The following IGSF9 variants were observed in gnomAD, a reference collection of about 807,000 sequenced individuals.
IGSF9 encodes immunoglobulin superfamily member 9, also known as protein turtle homolog A.
In IGSF9, 87 loss-of-function variants were observed where a neutral mutation model predicts 121.7. That is an observed-to-expected ratio of 0.71 (90% confidence interval 0.60 to 0.85). The LOEUF (loss-of-function observed/expected upper bound fraction) is 0.85. Among genes scored for constraint, IGSF9 ranks in the 40% least tolerant of loss-of-function variants. The probability of loss-of-function intolerance (pLI) is 0.00; values close to 1 mark genes in which losing one functional copy is unlikely to be tolerated. For synonymous variants in IGSF9, 640 were observed against 648.4 expected (o/e 0.99, Z 0.20); for missense variants, 1,462 against 1,565.3 (o/e 0.93, Z 1.11).
At position 159,928,284 on chromosome 1, in the gene IGSF9, C is replaced by T. The variant is rs777726375; in HGVS notation, c.3104G>A (p.Arg1035Gln). ...SSGRGSASFL[R>Q]PPSTAPSAGG... ...TGCAGAGGGGGCTGTGGAGGGGGGC[C>T]GCAGGAACGAAGCGCTGCCTCGCCC... Residue 1035 changes from arginine to glutamine, a missense_variant, in exon 19 of 21, where the codon CGG becomes CAG. Physicochemically the swap from Arg to Gln is conservative, Grantham distance 43. Transcript: ENST00000368094. The T allele has an allele frequency of 6.0e-5, 96 of 1,612,524 alleles. No homozygotes were observed. The highest frequency in any genetic ancestry group is 7.5e-5 in the Non-Finnish European group (89 of 1,179,692).
At chr1:159,930,587 G>C in intron 14 of IGSF9, 105 bp downstream of exon 14, 3 of 1,547,826 alleles carry the variant, frequency 1.9e-6, no homozygotes, top group Non-Finnish European at 2.6e-6. Flanking sequence ...CCCCAAGCTG[G>C]CCAGCACCTC....
In IGSF9 at chr1:159,943,004, T is replaced by C; in HGVS notation, c.206A>G (p.Gln69Arg). ...RFGFLLPIFI[Q>R]FGLYSPRIDP... ...AATTCGGGGAGAGTAGAGGCCGAAC[T>C]GGATGAAGATGGGAAGCAGGAATCC... The change falls in exon 3 of 21, where the codon CAG (glutamine) becomes CGG (arginine). Residue 69 changes from glutamine (Q) to arginine (R), a missense_variant. Transcript: ENST00000368094. 1 of 1,613,328 alleles carries C rather than the reference T, an allele frequency of 6.2e-7. No individual in the cohort carries two copies. The highest frequency in any genetic ancestry group is 8.5e-7 in the Non-Finnish European group (1 of 1,179,672).
In IGSF9 at chr1:159,931,270, G is replaced by T; in HGVS notation, c.1514-9C>A. 6.2e-7 allele frequency: 1 copy of T among 1,614,092 alleles called. No individual in the cohort carries two copies. The highest frequency in any genetic ancestry group is 1.1e-5 in the South Asian group (1 of 91,084). On this transcript the variant is annotated splice_polypyrimidine_tract_variant and intron_variant, in intron 12 of 20. Transcript: ENST00000368094. The surrounding 1 kb of genome is among the most constrained non-coding windows in gnomAD (Gnocchi z 4.8). ...AACATGAGGGCTAGTGCCTAGGCAG[G>T]GGGGAATGGAGGGATGGTGGTCAGG...
chr1:159,940,519 G>A (rs1651341236), intron 3 of IGSF9, among the ~76,000 whole-genome samples: 1 of 152,192 alleles, frequency 6.6e-6, no homozygotes, highest in Admixed American at 6.5e-5. Flanking sequence ...GAAAACAGGA[G>A]ACACAGTCTC....
chr1:159,928,393 G>A lies in IGSF9; in HGVS notation c.2995C>T (p.Leu999=), dbSNP rs1650828888. Residue 999 remains leucine, a synonymous_variant, in exon 19 of 21, where the codon CTG becomes TTG. Transcript: ENST00000368094. ...CGCTCCCTCAGTGTCCAGTCAGCCA[G>A]GGCTGTGTAAGGGGGCTCTGCAGTG... The part of the protein sequence containing the change: ...GATAEPPYTA[L]ADWTLRERLL... 3 of 1,609,180 alleles carry A rather than the reference G, an allele frequency of 1.9e-6. No homozygotes were observed. Among genetic ancestry groups the A allele is most frequent in the Non-Finnish European group, 2.5e-6 (3 of 1,177,966 alleles).
Position 159,929,668 on chromosome 1 carries a change from C to T in IGSF9, c.2296G>A (p.Ala766Thr), listed in dbSNP as rs906876689. The part of the protein sequence containing the change: ...AGCLLNRRRA[A>T]RRRRKRLRQD... ...CGGAGGCGCTTGCGGCGGCGGCGGG[C>T]AGCCCTGCGCCGGTTCAGGAGGCAG... The change falls in exon 17 of 21, where the codon GCC becomes ACC. Residue 766 changes from alanine (A) to threonine (T), a missense_variant. By Grantham distance (58) the Ala-to-Thr change is moderately conservative (BLOSUM62 0). Around this residue, in one of 3 missense-constraint regions of IGSF9, gnomAD observed 808 missense variants for 815.2 expected, o/e 0.99. Coordinates refer to ENST00000368094, the MANE Select transcript of IGSF9 (RefSeq NM_001135050.2). The T allele has an allele frequency of 1.9e-6, 3 of 1,594,076 alleles. No individual in the cohort carries two copies. The highest frequency in any genetic ancestry group is 1.1e-5 in the South Asian group (1 of 88,146).
At chr1:159,933,941 A>G (rs1651090682) in intron 9 of IGSF9, 1 of 538,546 alleles carries the variant, frequency 1.9e-6, no homozygotes, top group Non-Finnish European at 3.3e-6. Context: ...CTTTGCCATC[A>G]TTTTCCCCAG....
intron 3 of IGSF9, among the ~76,000 whole-genome samples, chr1:159,941,004 C>T (rs1352069544): frequency 5.3e-5 from 8 of 152,192 alleles, no homozygotes; most frequent in African/African-American, 7.2e-5. Context: ...CAGGCTGGGG[C>T]GCTTTACACA....
chr1:159,929,489 G>A (rs1021392104), intron 17 of IGSF9, 96 bp from the exon 18 acceptor site: 4 of 1,531,618 alleles, frequency 2.6e-6, no homozygotes, highest in East Asian at 2.3e-5. Context: ...AACCCCATCC[G>A]GCTGGGAAAA....
In IGSF9 at chr1:159,936,883, A is replaced by G; in HGVS notation, c.426T>C (p.Pro142=). ...VNSPPQFQET[P]PAVLEVQELE... ...GTTCCTGCACTTCCAACACAGCAGG[A>G]GGTGTCTCCTGGAATTGAGGGGGTG... Residue 142 remains proline, a synonymous_variant, in exon 5 of 21, where the codon CCT becomes CCC. Coordinates refer to ENST00000368094, the MANE Select transcript of IGSF9 (RefSeq NM_001135050.2). 1.9e-6 allele frequency: 3 copies of G among 1,614,206 alleles called. No individual in the cohort carries two copies. Among genetic ancestry groups the G allele is most frequent in the Non-Finnish European group, 2.5e-6 (3 of 1,180,018 alleles).
Position 159,929,771 on chromosome 1 carries a change from C to CAGG in IGSF9, c.2190_2192dup (p.Leu731dup). The stretch of plus-strand genomic sequence containing the variant: ...CCACGCCGGCCAGCACGGGCTGAGG[C>CAGG]AGGAGGCCCGGCAGCTGCGTGCGCG... On this transcript the variant is annotated inframe_insertion, in exon 17 of 21. Coordinates refer to ENST00000368094, the MANE Select transcript of IGSF9 (RefSeq NM_001135050.2). The CAGG allele has an allele frequency of 1.2e-6, 2 of 1,606,636 alleles. No individual in the cohort carries two copies. The highest frequency in any genetic ancestry group is 1.7e-6 in the Non-Finnish European group (2 of 1,177,126).
chr1:159,941,073 A>G (rs1465412744), intron 3 of IGSF9, among the ~76,000 whole-genome samples: 3 of 151,848 alleles, frequency 2.0e-5, no homozygotes, highest in Non-Finnish European at 4.4e-5. Flanking sequence ...CTTTCACTCC[A>G]TGGCATCGTT....
chr1:159,936,360 T>G, intron 6 of IGSF9, 39 bp downstream of exon 6: 1 of 1,557,490 alleles, frequency 6.4e-7, no homozygotes, highest in African/African-American at 1.4e-5. Flanking sequence ...CCCCCTTGCA[T>G]AGGTAACCCT....
intron 17 of IGSF9, 77 bp downstream of exon 17, chr1:159,929,561 T>C: frequency 6.6e-7 from 1 of 1,509,470 alleles, no homozygotes; most frequent in Non-Finnish European, 8.9e-7. Flanking sequence ...GAGCGAGGGC[T>C]TTTCCCCCAG....
At chr1:159,939,960 C>G (rs1651321966) in intron 3 of IGSF9, among the ~76,000 whole-genome samples, 2 of 152,202 alleles carry the variant, frequency 1.3e-5, no homozygotes, top group Admixed American at 1.3e-4. Context: ...CCCCAGACTG[C>G]AACCTCTTCT....
chr1:159,934,569 G>A lies in IGSF9; in HGVS notation c.817C>T (p.Arg273Cys), dbSNP rs143847211. The change falls in exon 8 of 21, where the codon CGC becomes TGC. Residue 273 changes from arginine (R) to cysteine (C), a missense_variant and splice_region_variant. Arg to Cys is a radical substitution (Grantham distance 180). This residue lies in a region of IGSF9 where 558 missense variants were observed against 599.4 expected (regional missense o/e 0.93). Transcript: ENST00000368094. ...AGGATCCGCACCCGGGGCTGCAGGC[G>A]GCTGCAATGTGGCATGTGTGAGGAG... ...QDNINVFHIS[R>C]LQPRVRILVD... The A allele has an allele frequency of 1.8e-5, 29 of 1,613,638 alleles. No homozygotes were observed. The highest frequency in any genetic ancestry group is 4.4e-5 in the South Asian group (4 of 91,058).
Position 159,936,827 on chromosome 1 carries a change from C to T in IGSF9, c.482G>A (p.Arg161His), listed in dbSNP as rs1162610080. 16 of 1,614,238 alleles carry T rather than the reference C, an allele frequency of 9.9e-6. No homozygotes were observed. In the Middle Eastern group the frequency reaches 4.9e-4, roughly 50 times the overall value. The change falls in exon 5 of 21, where the codon CGT (arginine) becomes CAT (histidine). Residue 161 changes from arginine to histidine, a missense_variant. Physicochemically the swap from Arg to His is conservative, Grantham distance 29. This residue lies in a region of IGSF9 where 558 missense variants were observed against 599.4 expected (regional missense o/e 0.93). Transcript: ENST00000368094. ...LEPVTLRCVA[R>H]GSPLPHVTWK... Reference sequence around the variant, plus strand: ...CGTCACATGAGGCAGGGGGCTGCCACGGGCCACACAACGCAGGGTCACAGG... The same window carrying T: ...CGTCACATGAGGCAGGGGGCTGCCATGGGCCACACAACGCAGGGTCACAGG...
chr1:159,936,538 A>AAG, intron 5 of IGSF9, 22 bp from the exon 6 acceptor site: 1 of 1,608,894 alleles, frequency 6.2e-7, no homozygotes, highest in South Asian at 1.1e-5. Flanking sequence ...GTGGGTGAGG[A>AAG]AGAGTCCTTT....
chr1:159,929,559 G>GC, intron 17 of IGSF9, 79 bp downstream of exon 17: 1 of 1,504,966 alleles, frequency 6.6e-7, no homozygotes. Flanking sequence ...AGGAGCGAGG[G>GC]CTTTTCCCCC....
Sources: gnomAD v4.1 joint callset for allele counts (sites outside exome capture counted in the v4.1 genomes callset) on GRCh38, gnomAD v4.1.1 for gene constraint, gnomAD v4.1.1 regional missense constraint, Gnocchi (gnomAD v3.1) non-coding constraint, MANE v1.5 for transcripts, NCBI Gene and HGNC (gene_info 2026-07-23, HGNC 2026-07-21) for gene names.